ANO4: variants seen among roughly 807,000 people sequenced by gnomAD.
The protein encoded by ANO4 is anoctamin 4.
A neutral mutation model predicts 141.9 loss-of-function variants in ANO4; 69 were observed. The ratio of observed to expected loss-of-function variants is 0.49; its 90% CI spans 0.40 to 0.59. The LOEUF (loss-of-function observed/expected upper bound fraction) is 0.59, where lower values mean the gene tolerates loss of function less well. Among genes scored for constraint, ANO4 ranks in the 20% least tolerant of loss-of-function variants. The pLI, the probability that ANO4 is intolerant of heterozygous loss-of-function variation, is 0.00. For synonymous variants in ANO4, 350 were observed against 394.3 expected, an observed-to-expected ratio of 0.89 and a Z score of 1.33; for missense variants, 894 against 1,162.2, an observed-to-expected ratio of 0.77 and a Z score of 3.36.
In ANO4 at chr12:100,794,965, C is replaced by G. The variant is rs527361349; in HGVS notation, c.-203C>G. On this transcript the variant is annotated 5_prime_UTR_variant, in exon 1 of 28. Coordinates refer to ENST00000392977, the MANE Select transcript of ANO4 (RefSeq NM_001286615.2). ...AGGTTCACAGTGGATTTCTTTCTGC[C>G]GAAGACACCAAGGCACTGAGGAAGG... 12 of 152,674 alleles carry G rather than the reference C, an allele frequency of 7.9e-5. No homozygotes were observed. Among genetic ancestry groups the G allele is most frequent in the African/African-American group, 2.9e-4 (12 of 41,436 alleles). The allele number at this position is 152,674 out of a possible 1,614,324, so 9.5% of individuals were successfully genotyped here.
chr12:100,800,633 A>G (rs1325936976), intron 1 of ANO4, among the ~76,000 whole-genome samples: 1 of 152,222 alleles, frequency 6.6e-6, no homozygotes, highest in Non-Finnish European at 1.5e-5. Flanking sequence ...ACTTATTTGC[A>G]CTATTGTTGT....
At chr12:101,068,905 C>T (rs927866733) in intron 14 of ANO4, 13 of 827,992 alleles carry the variant, frequency 1.6e-5, no homozygotes, top group East Asian at 9.8e-5. Context: ...AGAGCTCCTC[C>T]GATACTACAT....
intron 5 of ANO4, among the ~76,000 whole-genome samples, chr12:100,967,424 A>G (rs1229660097): frequency 6.6e-6 from 1 of 152,162 alleles, no homozygotes; most frequent in Non-Finnish European, 1.5e-5. Flanking sequence ...ATTAGCAATC[A>G]TCTGTTTCTC....
chr12:100,996,560 C>G (rs1164575488), intron 8 of ANO4, among the ~76,000 whole-genome samples: 1 of 152,168 alleles, frequency 6.6e-6, no homozygotes, highest in Non-Finnish European at 1.5e-5. Context: ...TGATGGATGC[C>G]TGTAATCCCA....
At chr12:100,861,545 A>G (rs1022362021) in intron 1 of ANO4, among the ~76,000 whole-genome samples, 1 of 152,202 alleles carries the variant, frequency 6.6e-6, no homozygotes, top group African/African-American at 2.4e-5. Context: ...GGAACTGGAA[A>G]TTGCTCTTGA....
At position 100,779,257 on chromosome 12, in the gene ANO4, T is replaced by G. The variant is rs146589727; in HGVS notation, c.358+39152T>G. On this transcript the variant is annotated intron_variant, in intron 3 of 29. Coordinates refer to the ANO4 transcript ENST00000644049. Reference sequence around the variant, plus strand: ...ACTGGGGTTTCATAGTCACAGAGTTTATGAAATCTCTTTAGTGACAACCTG... The same window carrying G: ...ACTGGGGTTTCATAGTCACAGAGTTGATGAAATCTCTTTAGTGACAACCTG... Among the ~76,000 whole-genome samples, 11 of 152,286 alleles carry G rather than the reference T, an allele frequency of 7.2e-5. No homozygotes were observed. In the East Asian group the frequency reaches 7.7e-4, roughly 11 times the overall value.
At chr12:100,859,698 T>G (rs2038373379) in intron 1 of ANO4, among the ~76,000 whole-genome samples, 1 of 152,180 alleles carries the variant, frequency 6.6e-6, no homozygotes, top group African/African-American at 2.4e-5. Flanking sequence ...TTGTGTTATA[T>G]AATAGATCTG....
At chr12:101,067,034 C>G in intron 14 of ANO4, 1 of 526,020 alleles carries the variant, frequency 1.9e-6, no homozygotes, top group Non-Finnish European at 3.4e-6. Context: ...ACAGACCATG[C>G]TGGGCTTATT....
intron 1 of ANO4, among the ~76,000 whole-genome samples, chr12:100,860,930 C>T (rs538855132): frequency 2.8e-4 from 43 of 152,282 alleles, no homozygotes; most frequent in African/African-American, 8.4e-4. Context: ...CGGACCTTCG[C>T]GGTGAGTGTT....
intron 3 of ANO4, among the ~76,000 whole-genome samples, chr12:100,936,475 G>A (rs1032252854): frequency 4.6e-5 from 7 of 152,156 alleles, no homozygotes; most frequent in African/African-American, 1.7e-4. Context: ...CACGGACATA[G>A]AGGGCATTGT....
intron 5 of ANO4, among the ~76,000 whole-genome samples, chr12:100,953,531 A>G (rs1159883774): frequency 6.6e-6 from 1 of 152,246 alleles, no homozygotes; most frequent in East Asian, 1.9e-4. Context: ...GTGGTATCTA[A>G]TAACTCCATT....
rs571560392 is a variant in ANO4, at chr12:100,778,170, C to T, written c.358+38065C>T. ...TCCTGACCTCGTGATCCGCCTGCCT[C>T]GGCCTCCCAAAGTGCTGGGATTACA... On this transcript the variant is annotated intron_variant, in intron 3 of 29. Coordinates refer to the ANO4 transcript ENST00000644049. 8.5e-5 allele frequency among the ~76,000 whole-genome samples: 13 copies of T among 152,198 alleles called. No individual in the cohort carries two copies. In the East Asian group the frequency reaches 1.7e-3, roughly 20 times the overall value.
chr12:100,964,527 G>T (rs1214230516), intron 5 of ANO4, among the ~76,000 whole-genome samples: 4 of 151,958 alleles, frequency 2.6e-5, no homozygotes, highest in African/African-American at 4.8e-5. Context: ...TCTCCTCCTA[G>T]CCCCAGAATT....
At chr12:100,791,284 C>A (rs925564298), upstream of ANO4, among the ~76,000 whole-genome samples, 42 of 151,990 alleles carry the variant, frequency 2.8e-4, no homozygotes, top group African/African-American at 9.7e-4. Flanking sequence ...GTGGCATGCA[C>A]CTGTGGTCCC....
At chr12:101,033,236 A>G (rs1391343321) in intron 9 of ANO4, among the ~76,000 whole-genome samples, 4 of 151,544 alleles carry the variant, frequency 2.6e-5, no homozygotes, top group African/African-American at 9.7e-5. Context: ...CAAACACCGC[A>G]TATTCTCACT....
chr12:100,917,920 A>G (rs1264920302), intron 2 of ANO4, among the ~76,000 whole-genome samples: 3 of 152,216 alleles, frequency 2.0e-5, no homozygotes, highest in East Asian at 1.9e-4. Flanking sequence ...TTTCACATCT[A>G]TGGTTTAATA....
At chr12:100,948,150 C>CA (rs58889801) in intron 5 of ANO4, among the ~76,000 whole-genome samples, 1,998 of 83,264 alleles carry the variant, frequency 0.024, 167 homozygotes, top group African/African-American at 0.072. Flanking sequence ...GACTTCGTCT[C>CA]AAAAAAAAAA....
chr12:100,924,164 T>C (rs897418617), intron 3 of ANO4, among the ~76,000 whole-genome samples: 5 of 152,194 alleles, frequency 3.3e-5, no homozygotes, highest in Non-Finnish European at 7.3e-5. Flanking sequence ...TTGTCAATTT[T>C]GGCGTTTGTT....
At chr12:100,802,522 G>T (rs2034757352) in intron 1 of ANO4, among the ~76,000 whole-genome samples, 1 of 152,308 alleles carries the variant, frequency 6.6e-6, no homozygotes, top group East Asian at 1.9e-4. Context: ...AGAATTTGGA[G>T]GAAGATCTCT....
Sources: allele counts gnomAD v4.1 joint callset (sites outside exome capture counted in the v4.1 genomes callset), GRCh38; gene constraint gnomAD v4.1.1; transcripts MANE v1.5; gene names NCBI Gene and HGNC (gene_info 2026-07-23, HGNC 2026-07-21).